Variants in CNGB3 observed in about 807,000 individuals in gnomAD.
CNGB3 encodes the protein cyclic nucleotide gated channel subunit beta 3.
Under a neutral mutation model 92.8 loss-of-function variants are expected in CNGB3, and 86 were observed. The ratio of observed to expected loss-of-function variants is 0.93; its 90% CI spans 0.78 to 1.11. The LOEUF (loss-of-function observed/expected upper bound fraction) is 1.11, where lower values mean the gene tolerates loss of function less well. Ranked by LOEUF, CNGB3 falls within the 50% of genes least tolerant of loss-of-function variation. The pLI, the probability that CNGB3 is intolerant of heterozygous loss-of-function variation, is 0.00. For missense variants in CNGB3, 1,026 were observed against 956.8 expected (o/e 1.07, Z -0.95); for synonymous variants, 333 against 332.7 (o/e 1.00, Z -0.01).
intron 10 of CNGB3, among the ~76,000 whole-genome samples, chr8:86,634,794 T>C (rs1201565514): frequency 6.6e-6 from 1 of 151,524 alleles, no homozygotes; most frequent in East Asian, 1.9e-4. Context: ...TGAACAAGGG[T>C]GGTCTTTTCT....
At chr8:86,590,700 G>C (rs367930084) in intron 15 of CNGB3, among the ~76,000 whole-genome samples, 2 of 144,672 alleles carry the variant, frequency 1.4e-5, no homozygotes, top group Non-Finnish European at 3.0e-5. Flanking sequence ...GGTTTCTGCT[G>C]AGAGATCCGC....
chr8:86,667,905 A>T, intron 5 of CNGB3, 114 bp downstream of exon 5: 2 of 1,131,828 alleles, frequency 1.8e-6, no homozygotes, highest in Non-Finnish European at 2.7e-6. Context: ...TCTGCTTCCT[A>T]GTTAGATTGA....
intron 10 of CNGB3, among the ~76,000 whole-genome samples, chr8:86,642,834 TG>T (rs953417959): frequency 2.0e-5 from 3 of 151,564 alleles, no homozygotes; most frequent in African/African-American, 7.3e-5. Context: ...CATACCTAAT[TG>T]TCAAGTTTAA....
At chr8:86,722,606 A>G (rs1014089812) in intron 3 of CNGB3, among the ~76,000 whole-genome samples, 2 of 152,168 alleles carry the variant, frequency 1.3e-5, no homozygotes, top group African/African-American at 2.4e-5. Context: ...TGATATTAAC[A>G]TTTGAATCAG....
intron 13 of CNGB3, 74 bp downstream of exon 13, chr8:86,625,909 A>C (rs1822836838): frequency 6.5e-6 from 8 of 1,233,984 alleles, no homozygotes; most frequent in Non-Finnish European, 8.3e-6. Flanking sequence ...AAAACTCATA[A>C]ATGCTGTATA....
At chr8:86,596,840 G>A (rs1174728357) in intron 15 of CNGB3, among the ~76,000 whole-genome samples, 1 of 152,170 alleles carries the variant, frequency 6.6e-6, no homozygotes, top group Non-Finnish European at 1.5e-5. Flanking sequence ...GGAATACTAT[G>A]CAGCCATAAA....
Position 86,593,908 on chromosome 8 carries a change from G to C in CNGB3, c.1781+10185C>G, listed in dbSNP as rs556656770. 1.3e-5 allele frequency: 8 copies of C among 592,976 alleles called. No individual in the cohort carries two copies. In the Middle Eastern group the frequency reaches 1.2e-3, roughly 91 times the overall value. 36.7% of individuals were successfully genotyped at this position (592,976 alleles called of 1,614,324 possible). On this transcript the variant is annotated intron_variant, in intron 15 of 17. Transcript: ENST00000320005. Reference sequence around the variant, plus strand: ...TGCTGCACCACTGCTGGTAGTCACCGCCTGTGTGCCAGGGGCAGAAGGAGT... The same window carrying C: ...TGCTGCACCACTGCTGGTAGTCACCCCCTGTGTGCCAGGGGCAGAAGGAGT...
At chr8:86,726,808 CT>C in intron 2 of CNGB3, 151 bp from the exon 3 acceptor site, 2 of 845,970 alleles carry the variant, frequency 2.4e-6, no homozygotes, top group Non-Finnish European at 3.9e-6. Context: ...CAAAGTAGGA[CT>C]TTATGCAGGA....
chr8:86,718,282 A>G (rs1223541866), intron 3 of CNGB3, among the ~76,000 whole-genome samples: 1 of 152,202 alleles, frequency 6.6e-6, no homozygotes, highest in Non-Finnish European at 1.5e-5. Flanking sequence ...GAGATGAACC[A>G]AGAAAAGACA....
At chr8:86,628,332 C>T (rs145036939) in intron 12 of CNGB3, among the ~76,000 whole-genome samples, 34 of 152,254 alleles carry the variant, frequency 2.2e-4, no homozygotes, top group Admixed American at 5.9e-4. Context: ...CTGCCTGCCT[C>T]AGCCTCCCAA....
chr8:86,578,936 A>T, intron 16 of CNGB3, 73 bp from the exon 17 acceptor site: 1 of 1,589,470 alleles, frequency 6.3e-7, no homozygotes, highest in Non-Finnish European at 8.6e-7. Context: ...AAAAAACTGC[A>T]ATTTATCCTA....
Position 86,625,968 on chromosome 8 carries a change from T to A in CNGB3, c.1578+15A>T, listed in dbSNP as rs571367253. The A allele has an allele frequency of 8.1e-6, 13 of 1,599,642 alleles. No homozygotes were observed. The South Asian group carries it at 1.4e-4, about 18-fold the overall frequency. ...AGAAATAGATACAGAGTCTATTAAT[T>A]GTAAAAGCACTTGCCTTGAACAAGT... On this transcript the variant is annotated intron_variant, in intron 13 of 17. Transcript: ENST00000320005.
At chr8:86,722,251 C>A (rs937073614) in intron 3 of CNGB3, among the ~76,000 whole-genome samples, 3 of 152,104 alleles carry the variant, frequency 2.0e-5, no homozygotes, top group Non-Finnish European at 4.4e-5. Flanking sequence ...CTTTTGCTTG[C>A]TATTCATTAG....
intron 3 of CNGB3, among the ~76,000 whole-genome samples, chr8:86,677,369 T>C (rs1823996111): frequency 1.3e-5 from 2 of 152,192 alleles, no homozygotes; most frequent in African/African-American, 4.8e-5. Flanking sequence ...GTTTAGTAAA[T>C]GTGAAACTTG....
At position 86,649,155 on chromosome 8, in the gene CNGB3, G is replaced by A. The variant is rs1346805319; in HGVS notation, c.904-1268C>T. Among the ~76,000 whole-genome samples, 3 of 151,536 alleles carry A rather than the reference G, an allele frequency of 2.0e-5. No homozygotes were observed. In the East Asian group the frequency reaches 5.8e-4, roughly 29 times the overall value. The stretch of plus-strand genomic sequence containing the variant: ...ACAGAGGGAACTACAAAACACTGCT[G>A]AGAGAAATCACAGATGACACAAACA... On this transcript the variant is annotated intron_variant, in intron 7 of 17. Coordinates refer to ENST00000320005, the MANE Select transcript of CNGB3 (RefSeq NM_019098.5).
intron 12 of CNGB3, among the ~76,000 whole-genome samples, chr8:86,628,457 G>T (rs1470610124): frequency 6.6e-6 from 1 of 152,146 alleles, no homozygotes; most frequent in African/African-American, 2.4e-5. Flanking sequence ...AGGGTCAACT[G>T]TACTGTGTTC....
chr8:86,665,821 G>A (rs564485626), intron 6 of CNGB3, among the ~76,000 whole-genome samples: 84 of 152,226 alleles, frequency 5.5e-4, no homozygotes, highest in African/African-American at 1.6e-3. Context: ...TGGGCCAATC[G>A]TACCCCAAAC....
chr8:86,577,890 C>A (rs1563711944), intron 17 of CNGB3, among the ~76,000 whole-genome samples: 1 of 152,004 alleles, frequency 6.6e-6, no homozygotes, highest in Non-Finnish European at 1.5e-5. Context: ...AAGTGTCACT[C>A]TTTTTTGTTG....
intron 4 of CNGB3, among the ~76,000 whole-genome samples, chr8:86,669,413 A>T (rs572522667): frequency 6.6e-6 from 1 of 152,334 alleles, no homozygotes; most frequent in African/African-American, 2.4e-5. Context: ...CTCACAAATA[A>T]GGTGTCACAA....
Sources: gnomAD v4.1 joint callset for allele counts (sites outside exome capture counted in the v4.1 genomes callset) on GRCh38, gnomAD v4.1.1 for gene constraint, MANE v1.5 for transcripts, NCBI Gene and HGNC (gene_info 2026-07-23, HGNC 2026-07-21) for gene names.